The following LRRC4 variants were observed in gnomAD, a reference collection of about 807,000 sequenced individuals.
LRRC4 encodes the protein leucine rich repeat containing 4.
A neutral mutation model predicts 37.9 loss-of-function variants in LRRC4; 11 were observed. The observed-to-expected ratio is 0.29, with a 90% CI of 0.18 to 0.48. LRRC4 has a LOEUF of 0.48. Ranked by LOEUF, LRRC4 falls within the 20% of genes least tolerant of loss-of-function variation. The probability of loss-of-function intolerance (pLI) is 0.99; values close to 1 mark genes in which losing one functional copy is unlikely to be tolerated. For synonymous variants in LRRC4, 404 were observed against 346.7 expected, an observed-to-expected ratio of 1.17 and a Z score of -1.84; for missense variants, 717 against 842.1, an observed-to-expected ratio of 0.85 and a Z score of 1.84.
At chr7:128,032,110 T>C (rs1442348227), upstream of LRRC4, 1 of 151,948 alleles carries the variant, frequency 6.6e-6, no homozygotes, top group Admixed American at 6.6e-5. Context: ...GTGAATGTAC[T>C]GCTGACGCAT....
chr7:128,031,797 C>G (rs1468746558), upstream of LRRC4, among the ~76,000 whole-genome samples: 1 of 147,026 alleles, frequency 6.8e-6, no homozygotes, highest in African/African-American at 2.5e-5. Flanking sequence ...CGCCGCTGCC[C>G]GGCCCCCGGC....
rs1486791235 is a variant in LRRC4 at position 128,029,435 on chromosome 7, A to G, written c.1206T>C (p.Ser402=). ...AGTTCAAGGTGCCGTCGTTGAGGAC[A>G]GAGATCCTTGGGTGGCGGGAGGCGT... is the stretch of plus-strand genomic sequence containing the variant. The part of the protein sequence containing the change: ...LSHASRHPRI[S]VLNDGTLNFS... Residue 402 remains serine, a synonymous_variant, in exon 2 of 2, where the codon TCT becomes TCC. Coordinates refer to ENST00000249363, the MANE Select transcript of LRRC4 (RefSeq NM_022143.5). This position sits in a 1 kb window ranked among gnomAD's most constrained non-coding sequence, Gnocchi z 4.2. 4.3e-6 allele frequency: 7 copies of G among 1,613,990 alleles called. No individual in the cohort carries two copies. The highest frequency in any genetic ancestry group is 1.3e-5 in the African/African-American group (1 of 74,920).
Position 128,027,482 on chromosome 7 carries a change from G to A in LRRC4, c.*1197C>T, listed in dbSNP as rs561635829. 13 of 152,374 alleles carry A rather than the reference G, an allele frequency of 8.5e-5. No individual in the cohort carries two copies. The highest frequency in any genetic ancestry group is 2.4e-4 in the African/African-American group (10 of 41,428). The allele number at this position is 152,374 out of a possible 1,614,324, so 9.4% of individuals were successfully genotyped here. ...CTTTACGTGAGCCTGTACCCTTTTC[G>A]TCTCTCCCTTTTCTTTGCTACTCAT... On this transcript the variant is annotated 3_prime_UTR_variant, in exon 2 of 2. Coordinates refer to ENST00000249363, the MANE Select transcript of LRRC4 (RefSeq NM_022143.5).
rs570153237 is a variant in LRRC4, at chr7:128,030,503, G to A, written c.138C>T (p.Cys46=). The A allele has an allele frequency of 5.0e-6, 8 of 1,613,406 alleles. No homozygotes were observed. In the African/African-American group the frequency reaches 5.3e-5, roughly 11 times the overall value. The part of the protein sequence containing the change: ...AAAASAGPQN[C]PSVCSCSNQF... ...GGTTACTGCACGAGCAGACGGAGGG[G>A]CAGTTCTGGGGCCCGGCTGAGGCGG... Residue 46 remains cysteine (C), a synonymous_variant, in exon 2 of 2, where the codon TGC becomes TGT. Transcript: ENST00000249363.
In LRRC4 at chr7:128,028,598, A is replaced by G; in HGVS notation, c.*81T>C. ...TTAATATATAAGCATATACAAGAAAAAGTCTCTCCCCACTCTGTACAAAAG... is the reference window on the plus strand; with the variant it reads ...TTAATATATAAGCATATACAAGAAAGAGTCTCTCCCCACTCTGTACAAAAG... On this transcript the variant is annotated 3_prime_UTR_variant, in exon 2 of 2. Transcript: ENST00000249363. The G allele has an allele frequency of 3.0e-6, 4 of 1,322,872 alleles. No individual in the cohort carries two copies. In the South Asian group the frequency reaches 5.7e-5, roughly 19 times the overall value. The allele number at this position is 1,322,872 out of a possible 1,614,324, so 81.9% of individuals were successfully genotyped here. A position where few individuals can be genotyped will look rare whatever the true frequency, so the allele number is the denominator to read the frequency against.
rs1563095365 is a variant in LRRC4 at position 128,031,085 on chromosome 7, CA to C, written c.-274del. The C allele has an allele frequency of 6.6e-6, 1 of 152,502 alleles. No homozygotes were observed. Among genetic ancestry groups the C allele is most frequent in the East Asian group, 1.9e-4 (1 of 5,164 alleles). The allele number at this position is 152,502 out of a possible 1,614,324, so 9.4% of individuals were successfully genotyped here. A position where few individuals can be genotyped will look rare whatever the true frequency, so the allele number is the denominator to read the frequency against. On this transcript the variant is annotated 5_prime_UTR_variant, in exon 1 of 2. Transcript: ENST00000249363. ...GAGGGGAGGGAAGGGGTGGGGGAGA[CA>C]AAATGGCCTCTAGTAAATCCGGAGC...
Position 128,030,218 on chromosome 7 carries a change from C to T in LRRC4, c.423G>A (p.Gly141=). The stretch of plus-strand genomic sequence containing the variant: ...GCAGCTTGGACAGGTATTCAAAGGC[C>T]CCGCTAGGGATGACTGTCAGCCAGT... ...FDNWLTVIPS[G]AFEYLSKLRE... Residue 141 remains glycine, a synonymous_variant, in exon 2 of 2, where the codon GGG becomes GGA. Coordinates refer to ENST00000249363, the MANE Select transcript of LRRC4 (RefSeq NM_022143.5). The T allele has an allele frequency of 6.2e-7, 1 of 1,614,212 alleles. No homozygotes were observed. The highest frequency in any genetic ancestry group is 8.5e-7 in the Non-Finnish European group (1 of 1,180,042).
chr7:128,031,522 C>T (rs1195221244), upstream of LRRC4: 2 of 151,414 alleles, frequency 1.3e-5, no homozygotes, highest in East Asian at 3.9e-4. Flanking sequence ...TTCTCCTCGC[C>T]TCTTCTCGGA....
Position 128,030,014 on chromosome 7 carries a change from T to C in LRRC4, c.627A>G (p.Lys209=). The C allele has an allele frequency of 6.2e-7, 1 of 1,613,170 alleles. No individual in the cohort carries two copies. Among genetic ancestry groups the C allele is most frequent in the Non-Finnish European group, 8.5e-7 (1 of 1,180,018 alleles). The stretch of plus-strand genomic sequence containing the variant: ...CCAGGGGGGTGAGATTGGGCATGTC[T>C]TTAATGTTGCACATGCCCAAGTTCA... ...KYLNLGMCNI[K]DMPNLTPLVG... is the part of the protein sequence containing the mutation. Residue 209 remains lysine, a synonymous_variant, in exon 2 of 2, where the codon AAA becomes AAG. Transcript: ENST00000249363.
Position 128,027,812 on chromosome 7 carries a change from C to T in LRRC4, c.*867G>A, listed in dbSNP as rs191496565. 6.6e-6 allele frequency: 1 copy of T among 152,236 alleles called. No homozygotes were observed. Among genetic ancestry groups the T allele is most frequent in the African/African-American group, 2.4e-5 (1 of 41,440 alleles). The allele number at this position is 152,236 out of a possible 1,614,324, so 9.4% of individuals were successfully genotyped here. ...CTGCTTTACCCTCCCTTCCCACCCC[C>T]CTGCTGCCGCACCCCTTCAGGGGCC... On this transcript the variant is annotated 3_prime_UTR_variant, in exon 2 of 2. Coordinates refer to ENST00000249363, the MANE Select transcript of LRRC4 (RefSeq NM_022143.5).
Position 128,029,849 on chromosome 7 carries a change from C to A in LRRC4, c.792G>T (p.Gly264=). Residue 264 remains glycine (G), a synonymous_variant, in exon 2 of 2, where the codon GGG becomes GGT. Coordinates refer to ENST00000249363, the MANE Select transcript of LRRC4 (RefSeq NM_022143.5). The surrounding 1 kb of genome is among the most constrained non-coding windows in gnomAD (Gnocchi z 4.2). ...VSLIERNAFD[G]LASLVELNLA... is the part of the protein sequence containing the mutation. Reference sequence around the variant, plus strand: ...AGTTGAGTTCCACAAGTGAAGCCAGCCCGTCAAAAGCATTCCGCTCAATCA... The same window carrying A: ...AGTTGAGTTCCACAAGTGAAGCCAGACCGTCAAAAGCATTCCGCTCAATCA... 1 of 1,613,526 alleles carries A rather than the reference C, an allele frequency of 6.2e-7. No homozygotes were observed. Among genetic ancestry groups the A allele is most frequent in the Non-Finnish European group, 8.5e-7 (1 of 1,180,020 alleles).
At position 128,027,923 on chromosome 7, in the gene LRRC4, A is replaced by G. The variant is rs571605391; in HGVS notation, c.*756T>C. 1 of 152,576 alleles carries G rather than the reference A, an allele frequency of 6.6e-6. No individual in the cohort carries two copies. The highest frequency in any genetic ancestry group is 1.9e-4 in the East Asian group (1 of 5,178). The allele number at this position is 152,576 out of a possible 1,614,324, so 9.5% of individuals were successfully genotyped here. A position where few individuals can be genotyped will look rare whatever the true frequency, so the allele number is the denominator to read the frequency against. On this transcript the variant is annotated 3_prime_UTR_variant, in exon 2 of 2. Transcript: ENST00000249363. ...CAGGAATCTGGTGCAATGTGAAAGC[A>G]TTAGACTGAGAGCTACGCCAGCTCC...
rs1792489470 is a variant in LRRC4 at position 128,028,972 on chromosome 7, G to A, written c.1669C>T (p.Arg557Trp). The A allele has an allele frequency of 2.5e-6, 4 of 1,609,394 alleles. No homozygotes were observed. The highest frequency in any genetic ancestry group is 3.4e-6 in the Non-Finnish European group (4 of 1,177,468). Reference protein sequence around the residue: ...FYKLRKRHQQRSTVTAARTVE... With the variant: ...FYKLRKRHQQWSTVTAARTVE... ...GTCCGGGCGGCTGTGACTGTACTCC[G>A]CTGCTGGTGCCGCTTACGAAGTTTA... Residue 557 changes from arginine (R) to tryptophan (W), a missense_variant, in exon 2 of 2, where the codon CGG (arginine) becomes TGG (tryptophan). Around this residue, in one of 5 missense-constraint regions of LRRC4, gnomAD observed 140 missense variants for 137.2 expected, o/e 1.02. Coordinates refer to ENST00000249363, the MANE Select transcript of LRRC4 (RefSeq NM_022143.5).
rs1376130638 is a variant in LRRC4 at position 128,028,982 on chromosome 7, C to T, written c.1659G>A (p.Arg553=). 1 of 1,610,636 alleles carries T rather than the reference C, an allele frequency of 6.2e-7. No individual in the cohort carries two copies. The highest frequency in any genetic ancestry group is 8.5e-7 in the Non-Finnish European group (1 of 1,178,138). ...MLIVFYKLRK[R]HQQRSTVTAA... ...CTGTGACTGTACTCCGCTGCTGGTG[C>T]CGCTTACGAAGTTTATAGAAGACAA... Residue 553 remains arginine (R), a synonymous_variant, in exon 2 of 2, where the codon CGG becomes CGA. Coordinates refer to ENST00000249363, the MANE Select transcript of LRRC4 (RefSeq NM_022143.5).
chr7:128,031,953 C>T (rs1369781036), upstream of LRRC4: 1 of 151,400 alleles, frequency 6.6e-6, no homozygotes, highest in Non-Finnish European at 1.5e-5. Context: ...AGCCCAGGAA[C>T]ATAGTCCCCG....
At position 128,031,299 on chromosome 7, in the gene LRRC4, GGCGGCCCCGGCCCGCTCT is replaced by G. The variant is rs1293318541; in HGVS notation, c.-505_-488del. ...GCGCTTCATCGCCAAAGTGCGCTCC[GGCGGCCCCGGCCCGCTCT>G]GCGGGCCGCCGCCGGAGGGAGTGCG... On this transcript the variant is annotated 5_prime_UTR_variant, in exon 1 of 2. Transcript: ENST00000249363. Among the ~76,000 whole-genome samples, 5 of 151,644 alleles carry G rather than the reference GGCGGCCCCGGCCCGCTCT, an allele frequency of 3.3e-5. No homozygotes were observed. Among genetic ancestry groups the G allele is most frequent in the African/African-American group, 4.8e-5 (2 of 41,342 alleles).
rs781707527 is a variant in LRRC4 at position 128,030,147 on chromosome 7, T to G, written c.494A>C (p.Tyr165Ser). The change falls in exon 2 of 2, where the codon TAC (tyrosine) becomes TCC (serine). Residue 165 changes from tyrosine (Y) to serine (S), a missense_variant. Physicochemically the swap from Tyr to Ser is moderately radical, Grantham distance 144. This residue lies in a region of LRRC4 where 138 missense variants were observed against 261.0 expected (regional missense o/e 0.53). Coordinates refer to ENST00000249363, the MANE Select transcript of LRRC4 (RefSeq NM_022143.5). ...RNNPIESIPSYAFNRVPSLMR... is the reference protein window; with the variant it reads ...RNNPIESIPSSAFNRVPSLMR... ...GAGGGAGGGCACCCGGTTGAAGGCG[T>G]AAGAGGGGATGCTTTCGATGGGGTT... 32 of 1,613,980 alleles carry G rather than the reference T, an allele frequency of 2.0e-5. No individual in the cohort carries two copies. The highest frequency in any genetic ancestry group is 2.5e-5 in the Non-Finnish European group (29 of 1,180,028).
In LRRC4 at chr7:128,028,671, G is replaced by A; in HGVS notation, c.*8C>T. The A allele has an allele frequency of 6.3e-7, 1 of 1,599,896 alleles. No homozygotes were observed. The highest frequency in any genetic ancestry group is 1.3e-5 in the African/African-American group (1 of 74,376). ...ATTGCATTTTATAAGTTTTTTGGGG[G>A]AGGGGAGTCATATTTGAGTTTCCTG... On this transcript the variant is annotated 3_prime_UTR_variant, in exon 2 of 2. Transcript: ENST00000249363.
Position 128,028,456 on chromosome 7 carries a change from T to C in LRRC4, c.*223A>G, listed in dbSNP as rs1166400333. ...ACTTGTGGCTTGTACCCCACAACGT[T>C]CCCAAGATTCCCCCCCACCCCCTTT... On this transcript the variant is annotated 3_prime_UTR_variant, in exon 2 of 2. Coordinates refer to ENST00000249363, the MANE Select transcript of LRRC4 (RefSeq NM_022143.5). The C allele has an allele frequency of 2.1e-6, 1 of 472,086 alleles. No individual in the cohort carries two copies. Among genetic ancestry groups the C allele is most frequent in the African/African-American group, 2.0e-5 (1 of 50,774 alleles). 29.2% of individuals were successfully genotyped at this position (472,086 alleles called of 1,614,324 possible). A position where few individuals can be genotyped will look rare whatever the true frequency, so the allele number is the denominator to read the frequency against.
Sources: gnomAD v4.1 joint callset for allele counts (sites outside exome capture counted in the v4.1 genomes callset) on GRCh38, gnomAD v4.1.1 for gene constraint, gnomAD v4.1.1 regional missense constraint, Gnocchi (gnomAD v3.1) non-coding constraint, MANE v1.5 for transcripts, NCBI Gene and HGNC (gene_info 2026-07-23, HGNC 2026-07-21) for gene names.